The following IMPACT variants were observed in gnomAD, a reference collection of about 807,000 sequenced individuals.
The protein encoded by IMPACT is impact RWD domain protein, also known as protein IMPACT.
A neutral mutation model predicts 47.5 loss-of-function variants in IMPACT; 35 were observed. The ratio of observed to expected loss-of-function variants is 0.74; its 90% CI spans 0.56 to 0.98. The LOEUF is 0.98. Ranked by LOEUF, IMPACT falls within the 50% of genes least tolerant of loss-of-function variation. IMPACT has a pLI of 0.00. For missense variants in IMPACT, 373 were observed against 394.8 expected (o/e 0.94, Z 0.47); for synonymous variants, 118 against 125.6 (o/e 0.94, Z 0.40).
chr18:24,442,350 C>A (rs555718302), intron 6 of IMPACT, among the ~76,000 whole-genome samples: 1 of 152,038 alleles, frequency 6.6e-6, no homozygotes, highest in Non-Finnish European at 1.5e-5. Flanking sequence ...ACGGGGGTTT[C>A]ACCATGTTGG....
rs749742399 is a variant in IMPACT at position 24,427,910 on chromosome 18, T to A, written c.37-9T>A. On this transcript the variant is annotated splice_polypyrimidine_tract_variant and intron_variant, in intron 1 of 10. Transcript: ENST00000284202. ...ATTTGTTGACTTTTAAAAAATCAAT[T>A]TCTTTCAGAATGAGGAAATTGAAGC... 7 of 1,593,874 alleles carry A rather than the reference T, an allele frequency of 4.4e-6. No individual in the cohort carries two copies. In the East Asian group the frequency reaches 1.4e-4, roughly 31 times the overall value.
intron 4 of IMPACT, among the ~76,000 whole-genome samples, chr18:24,437,597 A>G (rs1908981732): frequency 6.6e-6 from 1 of 152,210 alleles, no homozygotes; most frequent in African/African-American, 2.4e-5. Flanking sequence ...AAAAGCAAGC[A>G]GTGATCAGAC....
At chr18:24,430,769 A>G (rs1054221540) in intron 4 of IMPACT, among the ~76,000 whole-genome samples, 5 of 152,336 alleles carry the variant, frequency 3.3e-5, no homozygotes, top group Non-Finnish European at 5.9e-5. Flanking sequence ...ATTTGCTAAA[A>G]GGATCTTAAT....
chr18:24,440,492 A>G lies in IMPACT; in HGVS notation c.368-4A>G, dbSNP rs761400864. ...TAAAGTAATTGTGTCTCATATTCAC[A>G]TAGGCCCAGATGTAAAGAAGAAAAC... On this transcript the variant is annotated splice_polypyrimidine_tract_variant and splice_region_variant and intron_variant, in intron 5 of 10. Coordinates refer to ENST00000284202, the MANE Select transcript of IMPACT (RefSeq NM_018439.4). 1.9e-6 allele frequency: 3 copies of G among 1,611,150 alleles called. No homozygotes were observed. Among genetic ancestry groups the G allele is most frequent in the East Asian group, 2.2e-5 (1 of 44,832 alleles).
At chr18:24,445,364 T>C (rs540599453) in intron 7 of IMPACT, 29 bp from the exon 8 acceptor site, 2 of 1,263,172 alleles carry the variant, frequency 1.6e-6, no homozygotes, top group African/African-American at 3.0e-5. Context: ...ATAAAAAGCA[T>C]ACTTATTTAT....
At position 24,448,448 on chromosome 18, in the gene IMPACT, T is replaced by TA. The variant is rs1285514929; in HGVS notation, c.759+265_759+266insA. 2.2e-4 allele frequency among the ~76,000 whole-genome samples: 33 copies of TA among 152,276 alleles called. No individual in the cohort carries two copies. The East Asian group carries it at 5.4e-3, about 25-fold the overall frequency. On this transcript the variant is annotated intron_variant, in intron 9 of 10. Transcript: ENST00000284202. ...TGTCTTCAACTTTGGGAAAACACTT[T>TA]GTTTTTTTGACAATTTCCTTCTCTT...
chr18:24,441,189 T>TTTTG (rs887706228), intron 6 of IMPACT, among the ~76,000 whole-genome samples: 1 of 152,090 alleles, frequency 6.6e-6, no homozygotes, highest in Non-Finnish European at 1.5e-5. Context: ...TGAGTTCAGT[T>TTTTG]TTTGTTTGTT....
At chr18:24,426,944 C>T in intron 1 of IMPACT, 152 bp downstream of exon 1, 1 of 522,482 alleles carries the variant, frequency 1.9e-6, no homozygotes, top group Middle Eastern at 4.8e-4. Flanking sequence ...TCCATTTTCC[C>T]GGCGCTTCCC....
chr18:24,446,647 G>C (rs980468753), intron 8 of IMPACT, among the ~76,000 whole-genome samples: 7 of 152,152 alleles, frequency 4.6e-5, no homozygotes, highest in Non-Finnish European at 7.4e-5. Context: ...TCATCATTTT[G>C]AGTAGGTGAG....
intron 6 of IMPACT, among the ~76,000 whole-genome samples, chr18:24,442,739 G>C (rs533344408): frequency 6.6e-6 from 1 of 152,148 alleles, no homozygotes; most frequent in East Asian, 1.9e-4. Flanking sequence ...TTATATATTA[G>C]ATATTGTACC....
In IMPACT at chr18:24,451,995, A is replaced by G. The variant is rs1047693169; in HGVS notation, c.*1148A>G. On this transcript the variant is annotated 3_prime_UTR_variant, in exon 11 of 11. Coordinates refer to ENST00000284202, the MANE Select transcript of IMPACT (RefSeq NM_018439.4). Reference sequence around the variant, plus strand: ...TTTGAGATATAACAATAAGTGATTAACTGTTCACTTTCAGATGTAATGGCA... The same window carrying G: ...TTTGAGATATAACAATAAGTGATTAGCTGTTCACTTTCAGATGTAATGGCA... 3 of 152,134 alleles carry G rather than the reference A, an allele frequency of 2.0e-5. No individual in the cohort carries two copies. Among genetic ancestry groups the G allele is most frequent in the Non-Finnish European group, 4.4e-5 (3 of 68,036 alleles). 9.4% of individuals were successfully genotyped at this position (152,134 alleles called of 1,614,324 possible). A position where few individuals can be genotyped will look rare whatever the true frequency, so the allele number is the denominator to read the frequency against.
rs1909290612 is a variant in IMPACT at position 24,448,118 on chromosome 18, T to C, written c.694T>C (p.Phe232Leu). Reference protein sequence around the residue: ...YRIYCEDKQTFLQDCEDDGET... With the variant: ...YRIYCEDKQTLLQDCEDDGET... The stretch of plus-strand genomic sequence containing the variant: ...AATATATTGTGAGGATAAACAGACC[T>C]TCTTACAGGATTGTGAGGATGATGG... The change falls in exon 9 of 11, where the codon TTC becomes CTC. Residue 232 changes from phenylalanine to leucine, a missense_variant. Transcript: ENST00000284202. 1.2e-6 allele frequency: 2 copies of C among 1,612,808 alleles called. No homozygotes were observed. Among genetic ancestry groups the C allele is most frequent in the Admixed American group, 1.7e-5 (1 of 59,974 alleles).
At chr18:24,446,615 TCTGAAA>T (rs532839344) in intron 8 of IMPACT, among the ~76,000 whole-genome samples, 2 of 152,242 alleles carry the variant, frequency 1.3e-5, no homozygotes, top group Admixed American at 6.5e-5. Context: ...ATCTAGGCTA[TCTGAAA>T]CTGAAACTCA....
At position 24,451,564 on chromosome 18, in the gene IMPACT, T is replaced by C. The variant is rs1012547701; in HGVS notation, c.*717T>C. ...ATTCTTGTAATGTAAGCAATAAATA[T>C]GGAGTGTCAGTAGTCTCCTTCCACC... is the stretch of plus-strand genomic sequence containing the variant. On this transcript the variant is annotated 3_prime_UTR_variant, in exon 11 of 11. Transcript: ENST00000284202. The C allele has an allele frequency of 2.6e-5, 4 of 152,254 alleles. No homozygotes were observed. Among genetic ancestry groups the C allele is most frequent in the African/African-American group, 9.6e-5 (4 of 41,466 alleles). 9.4% of individuals were successfully genotyped at this position (152,254 alleles called of 1,614,324 possible). A position where few individuals can be genotyped will look rare whatever the true frequency, so the allele number is the denominator to read the frequency against.
intron 9 of IMPACT, among the ~76,000 whole-genome samples, chr18:24,449,549 T>G (rs1424883658): frequency 6.6e-6 from 1 of 152,184 alleles, no homozygotes; most frequent in African/African-American, 2.4e-5. Flanking sequence ...TGGTCTCCCC[T>G]TCACTCTGTC....
At chr18:24,427,006 C>T (rs986494900) in intron 1 of IMPACT, 8 of 393,936 alleles carry the variant, frequency 2.0e-5, no homozygotes, top group South Asian at 1.4e-4. Context: ...CGGTCTCGGC[C>T]TGTCTCGGAC....
At chr18:24,442,780 A>G (rs568859840) in intron 6 of IMPACT, among the ~76,000 whole-genome samples, 1 of 152,306 alleles carries the variant, frequency 6.6e-6, no homozygotes, top group African/African-American at 2.4e-5. Flanking sequence ...GCAGTTCAAG[A>G]TTAGTCCCAA....
rs1254553375 is a variant in IMPACT at position 24,449,694 on chromosome 18, AC to A, written c.760-123del. 10 of 764,334 alleles carry A rather than the reference AC, an allele frequency of 1.3e-5. No homozygotes were observed. In the African/African-American group the frequency reaches 1.7e-4, roughly 13 times the overall value. The allele number at this position is 764,334 out of a possible 1,614,324, so 47.3% of individuals were successfully genotyped here. On this transcript the variant is annotated intron_variant, in intron 9 of 10. Coordinates refer to ENST00000284202, the MANE Select transcript of IMPACT (RefSeq NM_018439.4). The stretch of plus-strand genomic sequence containing the variant: ...AGTGCCTACTCACTCATATGGCTCT[AC>A]CATTAAAGTCACTGGGAAATTTTAT...
chr18:24,428,992 G>A, intron 3 of IMPACT, 71 bp downstream of exon 3: 1 of 1,074,188 alleles, frequency 9.3e-7, no homozygotes, highest in South Asian at 1.5e-5. Flanking sequence ...ACTGTACTTT[G>A]CGTTTACATA....
Sources: gnomAD v4.1 joint callset for allele counts (sites outside exome capture counted in the v4.1 genomes callset) on GRCh38, gnomAD v4.1.1 for gene constraint, MANE v1.5 for transcripts, NCBI Gene and HGNC (gene_info 2026-07-23, HGNC 2026-07-21) for gene names.